Variants in TRPM1 observed in about 807,000 individuals in gnomAD.
The protein encoded by TRPM1 is TRPM1-203 APA Isoform, Intron 10.
Under a neutral mutation model 149.4 loss-of-function variants are expected in TRPM1, and 113 were observed. The observed-to-expected ratio is 0.76, with a 90% CI of 0.65 to 0.88. The LOEUF (loss-of-function observed/expected upper bound fraction) is 0.88, where lower values mean the gene tolerates loss of function less well. Ranked by LOEUF, TRPM1 falls within the 40% of genes least tolerant of loss-of-function variation. TRPM1 has a pLI of 0.00. For missense variants in TRPM1, 1,976 were observed against 2,038.7 expected, an observed-to-expected ratio of 0.97 and a Z score of 0.59; for synonymous variants, 741 against 759.5, an observed-to-expected ratio of 0.98 and a Z score of 0.40.
chr15:31,046,458 T>C (rs1385067711), intron 15 of TRPM1, among the ~76,000 whole-genome samples: 3 of 152,326 alleles, frequency 2.0e-5, no homozygotes, highest in East Asian at 3.9e-4. Flanking sequence ...GCGTGGCCCT[T>C]ATTCCAGGTA....
intron 1 of TRPM1, among the ~76,000 whole-genome samples, chr15:31,112,003 G>C (rs1199484612): frequency 6.6e-6 from 1 of 152,084 alleles, no homozygotes; most frequent in African/African-American, 2.4e-5. Context: ...CAAAGACTTC[G>C]CATTTTTATC....
At chr15:31,047,313 A>C in intron 14 of TRPM1, 62 bp from the exon 15 acceptor site, 1 of 1,602,210 alleles carries the variant, frequency 6.2e-7, no homozygotes, top group African/African-American at 1.3e-5. Flanking sequence ...ACTTCATCAC[A>C]CGTCTAGGGG....
Position 31,001,868 on chromosome 15 carries a change from T to C in TRPM1, c.4832A>G (p.Glu1611Gly). The change falls in exon 28 of 28, where the codon GAA (glutamate) becomes GGA (glycine). Residue 1611 changes from glutamate (E) to glycine (G), a missense_variant. By Grantham distance (98) the Glu-to-Gly change is moderately conservative. This residue lies in a region of TRPM1 where 572 missense variants were observed against 578.9 expected (regional missense o/e 0.99). Coordinates refer to ENST00000256552, the MANE Select transcript of TRPM1 (RefSeq NM_001252024.2). Reference sequence around the variant, plus strand: ...AGCTTTCTCTTTCTTAACCTTTTTTTCTTCTGCTGTCATTCCAGACACAAT... The same window carrying C: ...AGCTTTCTCTTTCTTAACCTTTTTTCCTTCTGCTGTCATTCCAGACACAAT... The part of the protein sequence containing the change: ...LVIVSGMTAE[E>G]KKVKKEKAST... 1.9e-6 allele frequency: 3 copies of C among 1,613,774 alleles called. No homozygotes were observed. The highest frequency in any genetic ancestry group is 2.5e-6 in the Non-Finnish European group (3 of 1,180,020).
intron 1 of TRPM1, among the ~76,000 whole-genome samples, chr15:31,139,223 T>A (rs1273228584): frequency 6.6e-6 from 1 of 152,160 alleles, no homozygotes; most frequent in Admixed American, 6.5e-5. Context: ...GTACTCAGAT[T>A]TTTAGAAATT....
rs937097321 is a variant in TRPM1, at chr15:31,125,052, G to A, written c.54+35854C>T. Reference sequence around the variant, plus strand: ...TTGCTGGGTGTGGTGGCGCATGCCTGTAATCCCAGCTACTTGGGAGACTGA... The same window carrying A: ...TTGCTGGGTGTGGTGGCGCATGCCTATAATCCCAGCTACTTGGGAGACTGA... On this transcript the variant is annotated intron_variant, in intron 1 of 26. Coordinates refer to the TRPM1 transcript ENST00000542188. Among the ~76,000 whole-genome samples the A allele has an allele frequency of 3.7e-4, 57 of 152,260 alleles. 1 individual carries two copies. The highest frequency in any genetic ancestry group is 2.9e-3 in the Admixed American group (44 of 15,298).
At chr15:31,089,590 G>C (rs993837724) in intron 1 of TRPM1, among the ~76,000 whole-genome samples, 1 of 152,198 alleles carries the variant, frequency 6.6e-6, no homozygotes, top group African/African-American at 2.4e-5. Context: ...TCTGTAACTC[G>C]AGGAGGCCCA....
intron 11 of TRPM1, among the ~76,000 whole-genome samples, chr15:31,053,727 A>G (rs374424027): frequency 6.6e-6 from 1 of 152,226 alleles, no homozygotes; most frequent in East Asian, 1.9e-4. Flanking sequence ...CGTGTGATCA[A>G]TGGTTTCACT....
chr15:31,016,962 TACACACACAC>T (rs36176052), intron 27 of TRPM1, among the ~76,000 whole-genome samples: 3 of 89,414 alleles, frequency 3.4e-5, no homozygotes, highest in Non-Finnish European at 5.1e-5. Flanking sequence ...AAACCTGGCG[TACACACACAC>T]ACACACACAC....
chr15:31,009,064 AATTTCCTATAGTT>A (rs2032092037), intron 27 of TRPM1, among the ~76,000 whole-genome samples: 1 of 152,046 alleles, frequency 6.6e-6, no homozygotes, highest in Non-Finnish European at 1.5e-5. Context: ...CTGTCTGAAG[AATTTCCTATAGTT>A]ATTCTTTTAG....
intron 25 of TRPM1, 133 bp downstream of exon 25, chr15:31,028,199 A>C (rs973972217): frequency 8.9e-7 from 1 of 1,123,814 alleles, no homozygotes; most frequent in African/African-American, 1.5e-5. Context: ...GAGACTGCAA[A>C]AATTGGATCT....
intron 1 of TRPM1, among the ~76,000 whole-genome samples, chr15:31,109,668 C>T (rs1046319273): frequency 6.6e-6 from 1 of 151,058 alleles, no homozygotes; most frequent in African/African-American, 2.4e-5. Context: ...CCACTGCACT[C>T]CAGCCTGGGC....
intron 1 of TRPM1, among the ~76,000 whole-genome samples, chr15:31,149,739 T>G (rs2036272487): frequency 6.6e-6 from 1 of 152,066 alleles, no homozygotes; most frequent in Non-Finnish European, 1.5e-5. Context: ...CAGGATGGTC[T>G]CGATCTCCTG....
In TRPM1 at chr15:31,002,595, T is replaced by C; in HGVS notation, c.4105A>G (p.Lys1369Glu). The C allele has an allele frequency of 1.2e-6, 2 of 1,614,170 alleles. No individual in the cohort carries two copies. The highest frequency in any genetic ancestry group is 1.6e-4 in the Middle Eastern group (1 of 6,062). ...DGSHLAVDDLKNAEESKLGPD... is the reference protein window; with the variant it reads ...DGSHLAVDDLENAEESKLGPD... ...CCTAATTTTGACTCTTCAGCGTTCT[T>C]TAAGTCATCTACTGCAAGGTGACTG... The change falls in exon 28 of 28, where the codon AAG becomes GAG. Residue 1369 changes from lysine to glutamate, a missense_variant. By Grantham distance (56) the Lys-to-Glu change is moderately conservative (BLOSUM62 1). This residue lies in a region of TRPM1 where 572 missense variants were observed against 578.9 expected (regional missense o/e 0.99). Coordinates refer to ENST00000256552, the MANE Select transcript of TRPM1 (RefSeq NM_001252024.2).
chr15:31,139,511 T>C (rs1255915905), intron 1 of TRPM1, among the ~76,000 whole-genome samples: 1 of 152,246 alleles, frequency 6.6e-6, no homozygotes, highest in Non-Finnish European at 1.5e-5. Context: ...GATGTGTCTC[T>C]ACCAAAATAT....
intron 22 of TRPM1, 178 bp from the exon 23 acceptor site, chr15:31,031,335 C>T: frequency 1.5e-6 from 1 of 654,020 alleles, no homozygotes; most frequent in Non-Finnish European, 2.7e-6. Context: ...CCATGCAATG[C>T]TTTATGCCTA....
intron 1 of TRPM1, among the ~76,000 whole-genome samples, chr15:31,122,564 A>G (rs1201407272): frequency 6.6e-6 from 1 of 152,226 alleles, no homozygotes; most frequent in Non-Finnish European, 1.5e-5. Context: ...TTTCAAATAA[A>G]AACATATCTT....
Position 31,017,824 on chromosome 15 carries a change from A to C in TRPM1, c.3629+8315T>G, listed in dbSNP as rs143522101. On this transcript the variant is annotated intron_variant, in intron 27 of 27. Transcript: ENST00000256552. ...CAAATAATAGGTATGGCAATACCTGAATTTGTGGAACTTTTGCATTAACTT... is the reference window on the plus strand; with the variant it reads ...CAAATAATAGGTATGGCAATACCTGCATTTGTGGAACTTTTGCATTAACTT... 4.4e-3 allele frequency among the ~76,000 whole-genome samples: 670 copies of C among 152,286 alleles called. 5 individuals are homozygous for C. Among genetic ancestry groups the C allele is most frequent in the African/African-American group, 0.016 (646 of 41,542 alleles).
intron 11 of TRPM1, among the ~76,000 whole-genome samples, chr15:31,055,346 G>A (rs1010562220): frequency 1.4e-4 from 22 of 152,064 alleles, no homozygotes; most frequent in Non-Finnish European, 2.2e-4. Context: ...GAGAAGAGGC[G>A]GGCCAGAGAG....
chr15:31,130,148 G>A (rs1010210925), intron 1 of TRPM1, among the ~76,000 whole-genome samples: 3 of 152,224 alleles, frequency 2.0e-5, no homozygotes, highest in Admixed American at 2.0e-4. Context: ...CAACTGAAGG[G>A]TTAATGCCGG....
Sources: gnomAD v4.1 joint callset for allele counts (sites outside exome capture counted in the v4.1 genomes callset) on GRCh38, gnomAD v4.1.1 for gene constraint, gnomAD v4.1.1 regional missense constraint, MANE v1.5 for transcripts, NCBI Gene and HGNC (gene_info 2026-07-23, HGNC 2026-07-21) for gene names.